The following HMCN1 variants were observed in gnomAD, a reference collection of about 807,000 sequenced individuals.
HMCN1 encodes the protein hemicentin-1.
Under a neutral mutation model 625.9 loss-of-function variants are expected in HMCN1, and 321 were observed. The ratio of observed to expected loss-of-function variants is 0.51; its 90% CI spans 0.47 to 0.56. The LOEUF (loss-of-function observed/expected upper bound fraction) is 0.56, where lower values mean the gene tolerates loss of function less well. HMCN1 is among the 20% of genes least tolerant of loss of function. The probability of loss-of-function intolerance (pLI) is 0.00; values close to 1 mark genes in which losing one functional copy is unlikely to be tolerated. For synonymous variants in HMCN1, 2,425 were observed against 2,417.6 expected (o/e 1.00, Z -0.09); for missense variants, 6,588 against 6,887.3 (o/e 0.96, Z 1.54).
rs149000385 is a variant in HMCN1, at chr1:185,970,345, G to A, written c.2223G>A (p.Glu741=). 1.9e-5 allele frequency: 30 copies of A among 1,613,436 alleles called. No homozygotes were observed. The African/African-American group carries it at 4.0e-4, about 22-fold the overall frequency. ...PQVKWFKGDL[E]LRPSTFLIID... ...TTTGTTTTGACTTAGGAGATCTTGA[G>A]TTGAGGCCCTCAACATTCCTCATTA... is the stretch of plus-strand genomic sequence containing the variant. The change falls in exon 15 of 107, where the codon GAG becomes GAA. Residue 741 remains glutamate, a synonymous_variant. Coordinates refer to ENST00000271588, the MANE Select transcript of HMCN1 (RefSeq NM_031935.3).
At chr1:186,144,881 G>A (rs779256578) in intron 91 of HMCN1, among the ~76,000 whole-genome samples, 178 bp downstream of exon 91, 3 of 152,150 alleles carry the variant, frequency 2.0e-5, no homozygotes, top group Non-Finnish European at 1.5e-5. Flanking sequence ...GATTCATAGG[G>A]GCAGGAGCTG....
intron 1 of HMCN1, among the ~76,000 whole-genome samples, chr1:185,781,997 C>T (rs1437424936): frequency 6.6e-6 from 1 of 152,130 alleles, no homozygotes; most frequent in African/African-American, 2.4e-5. Flanking sequence ...CTTTGTAGGT[C>T]TCTAAGGACT....
At chr1:185,773,182 A>G (rs914914424) in intron 1 of HMCN1, among the ~76,000 whole-genome samples, 4 of 152,174 alleles carry the variant, frequency 2.6e-5, no homozygotes, top group Non-Finnish European at 2.9e-5. Flanking sequence ...GGCTGGAGAC[A>G]TTTTTGGTTA....
At chr1:185,778,398 C>A (rs1361238709) in intron 1 of HMCN1, among the ~76,000 whole-genome samples, 5 of 151,110 alleles carry the variant, frequency 3.3e-5, no homozygotes, top group African/African-American at 9.8e-5. Context: ...GCACAACATG[C>A]AGGTTTGTTA....
At chr1:185,768,701 T>G (rs986514495) in intron 1 of HMCN1, among the ~76,000 whole-genome samples, 1 of 152,194 alleles carries the variant, frequency 6.6e-6, no homozygotes, top group African/African-American at 2.4e-5. Flanking sequence ...ATCCTAGCAC[T>G]TTGGGAGGCC....
intron 4 of HMCN1, among the ~76,000 whole-genome samples, chr1:185,868,357 C>A (rs1367669467): frequency 1.3e-5 from 2 of 152,118 alleles, no homozygotes; most frequent in Admixed American, 1.3e-4. Context: ...CCCACTGCCC[C>A]CCAATCAGTT....
chr1:185,849,649 A>T (rs1662040989), intron 2 of HMCN1, among the ~76,000 whole-genome samples: 4 of 152,230 alleles, frequency 2.6e-5, no homozygotes, highest in Admixed American at 2.6e-4. Flanking sequence ...ATTGAGGCAT[A>T]GGGTATGAAA....
At chr1:186,187,775 A>G (rs1653435942) in intron 105 of HMCN1, 108 bp from the exon 106 acceptor site, 2 of 1,417,208 alleles carry the variant, frequency 1.4e-6, no homozygotes, top group African/African-American at 2.8e-5. Flanking sequence ...CATTCATGGC[A>G]GGAGAAGGCT....
At chr1:185,757,728 T>C (rs1655225094) in intron 1 of HMCN1, among the ~76,000 whole-genome samples, 4 of 152,162 alleles carry the variant, frequency 2.6e-5, no homozygotes, top group Admixed American at 2.0e-4. Flanking sequence ...CTTTAAATAG[T>C]ATCTGATACA....
intron 4 of HMCN1, among the ~76,000 whole-genome samples, chr1:185,874,178 G>A (rs1663794711): frequency 6.6e-6 from 1 of 151,860 alleles, no homozygotes; most frequent in Non-Finnish European, 1.5e-5. Context: ...TGAACCAATG[G>A]ATGGCTTTGA....
At chr1:186,157,473 T>G (rs985962749) in intron 97 of HMCN1, among the ~76,000 whole-genome samples, 2 of 152,218 alleles carry the variant, frequency 1.3e-5, no homozygotes, top group African/African-American at 4.8e-5. Flanking sequence ...ATGATTATTT[T>G]GGGAACATTA....
chr1:186,076,797 A>G (rs1658844120), intron 54 of HMCN1, among the ~76,000 whole-genome samples, 175 bp downstream of exon 54: 1 of 152,200 alleles, frequency 6.6e-6, no homozygotes, highest in Admixed American at 6.5e-5. Context: ...TTGCTTGAGA[A>G]TTAGACAATA....
At chr1:185,944,235 T>C (rs894226717) in intron 11 of HMCN1, among the ~76,000 whole-genome samples, 4 of 152,080 alleles carry the variant, frequency 2.6e-5, no homozygotes, top group African/African-American at 4.8e-5. Flanking sequence ...AAAAACCCTA[T>C]GTTCTCGCTT....
At chr1:186,112,687 C>G in intron 71 of HMCN1, 125 bp from the exon 72 acceptor site, 1 of 1,147,304 alleles carries the variant, frequency 8.7e-7, no homozygotes, top group Non-Finnish European at 1.3e-6. Context: ...GGTGGAGGAG[C>G]AGACAAAGCA....
intron 1 of HMCN1, among the ~76,000 whole-genome samples, chr1:185,785,509 A>G (rs951071595): frequency 6.6e-6 from 1 of 152,212 alleles, no homozygotes; most frequent in African/African-American, 2.4e-5. Flanking sequence ...CTCAGTTTCA[A>G]ACTGCTAATT....
In HMCN1 at chr1:186,156,504, C is replaced by T. The variant is rs895677749; in HGVS notation, c.15256+2517C>T. 2.6e-5 allele frequency among the ~76,000 whole-genome samples: 4 copies of T among 152,108 alleles called. No individual in the cohort carries two copies. The East Asian group carries it at 7.7e-4, about 29-fold the overall frequency. On this transcript the variant is annotated intron_variant, in intron 97 of 106. Coordinates refer to ENST00000271588, the MANE Select transcript of HMCN1 (RefSeq NM_031935.3). ...TGACTATAACAAGGGTGACGACTGC[C>T]TAGTATTACAGAGGTATGGGGAAGT... is the stretch of plus-strand genomic sequence containing the variant.
intron 68 of HMCN1, among the ~76,000 whole-genome samples, chr1:186,102,648 T>A (rs2102442079): frequency 6.6e-6 from 1 of 152,218 alleles, no homozygotes; most frequent in Middle Eastern, 3.4e-3. Context: ...TTCTAAACTA[T>A]GTGCCTTATT....
intron 19 of HMCN1, among the ~76,000 whole-genome samples, chr1:185,986,820 C>A (rs1030867879): frequency 7.5e-6 from 1 of 133,022 alleles, no homozygotes. Flanking sequence ...CAGCAAGACC[C>A]TGTCTCAAAA....
chr1:186,133,300 G>A (rs1034476620), intron 86 of HMCN1, among the ~76,000 whole-genome samples: 7 of 152,228 alleles, frequency 4.6e-5, no homozygotes, highest in African/African-American at 1.4e-4. Flanking sequence ...GCCATTTATG[G>A]CACTTTAAGA....
Sources: gnomAD v4.1 joint callset for allele counts (sites outside exome capture counted in the v4.1 genomes callset) on GRCh38, gnomAD v4.1.1 for gene constraint, MANE v1.5 for transcripts, NCBI Gene and HGNC (gene_info 2026-07-23, HGNC 2026-07-21) for gene names.